POGLUT1: variants seen among roughly 807,000 people sequenced by gnomAD.
POGLUT1 encodes protein O-glucosyltransferase 1, also known as 9630046K23Rik.
POGLUT1 carries 32 observed loss-of-function variants against 61.3 expected under a neutral mutation model. The observed-to-expected ratio is 0.52, with a 90% confidence interval of 0.39 to 0.70. The LOEUF (loss-of-function observed/expected upper bound fraction) is 0.70, where lower values mean the gene tolerates loss of function less well. POGLUT1 is among the 30% of genes least tolerant of loss of function. POGLUT1 has a pLI of 0.00. For synonymous variants in POGLUT1, 158 were observed against 158.2 expected, an observed-to-expected ratio of 1.00 and a Z score of 0.01; for missense variants, 411 against 469.8, an observed-to-expected ratio of 0.87 and a Z score of 1.16.
chr3:119,473,730 G>A (rs1221871381), intron 3 of POGLUT1, among the ~76,000 whole-genome samples: 1 of 149,278 alleles, frequency 6.7e-6, no homozygotes, highest in Non-Finnish European at 1.5e-5. Context: ...GTGTGATCTC[G>A]GCTCACTGCA....
At position 119,492,849 on chromosome 3, in the gene POGLUT1, T is replaced by A. The variant is rs2081767614; in HGVS notation, c.*411T>A. On this transcript the variant is annotated 3_prime_UTR_variant, in exon 11 of 11. Coordinates refer to ENST00000295588, the MANE Select transcript of POGLUT1 (RefSeq NM_152305.3). ...CGTCATTTGGAAGTAGTACAACTCA[T>A]TGCTGGAATTGTGAAATTATTCAAG... 6.5e-6 allele frequency: 1 copy of A among 153,142 alleles called. No individual in the cohort carries two copies. Among genetic ancestry groups the A allele is most frequent in the Non-Finnish European group, 1.5e-5 (1 of 68,394 alleles). The allele number at this position is 153,142 out of a possible 1,614,324, so 9.5% of individuals were successfully genotyped here.
intron 3 of POGLUT1, among the ~76,000 whole-genome samples, chr3:119,473,840 T>C (rs1017514374): frequency 6.6e-6 from 1 of 152,046 alleles, no homozygotes; most frequent in Non-Finnish European, 1.5e-5. Flanking sequence ...TTTGTGTTTT[T>C]AGTAGAGACG....
chr3:119,490,926 T>C (rs2081736785), intron 9 of POGLUT1, among the ~76,000 whole-genome samples: 2 of 152,172 alleles, frequency 1.3e-5, no homozygotes, highest in Non-Finnish European at 2.9e-5. Flanking sequence ...AAAAGCGCTT[T>C]AATACTGGTT....
chr3:119,493,990 G>A lies in POGLUT1; in HGVS notation c.*1552G>A, dbSNP rs1191156310. On this transcript the variant is annotated 3_prime_UTR_variant, in exon 11 of 11. Coordinates refer to ENST00000295588, the MANE Select transcript of POGLUT1 (RefSeq NM_152305.3). Reference sequence around the variant, plus strand: ...TTTTAATTTCCTCTCATTAAAATAGGAACAAAATTTGCTATCCTTTAGATT... The same window carrying A: ...TTTTAATTTCCTCTCATTAAAATAGAAACAAAATTTGCTATCCTTTAGATT... 1.3e-5 allele frequency: 2 copies of A among 152,054 alleles called. No individual in the cohort carries two copies. The highest frequency in any genetic ancestry group is 1.3e-4 in the Admixed American group (2 of 15,292). 9.4% of individuals were successfully genotyped at this position (152,054 alleles called of 1,614,324 possible). A position where few individuals can be genotyped will look rare whatever the true frequency, so the allele number is the denominator to read the frequency against.
chr3:119,479,824 A>T, intron 4 of POGLUT1: 8 of 1,033,902 alleles, frequency 7.7e-6, no homozygotes, highest in Non-Finnish European at 9.5e-6. Flanking sequence ...GAAAAAGCTG[A>T]CCTTTAATGT....
rs556676284 is a variant in POGLUT1, at chr3:119,492,616, A to G, written c.*178A>G. 91 of 378,768 alleles carry G rather than the reference A, an allele frequency of 2.4e-4. No homozygotes were observed. The highest frequency in any genetic ancestry group is 2.3e-3 in the South Asian group (34 of 14,646). 23.5% of individuals were successfully genotyped at this position (378,768 alleles called of 1,614,324 possible). A position where few individuals can be genotyped will look rare whatever the true frequency, so the allele number is the denominator to read the frequency against. ...TTGAGAAAGATTTAAAATGTGTCTA[A>G]TACACTGATATGAAGCAGTTCAACT... On this transcript the variant is annotated 3_prime_UTR_variant, in exon 11 of 11. Coordinates refer to ENST00000295588, the MANE Select transcript of POGLUT1 (RefSeq NM_152305.3).
intron 2 of POGLUT1, among the ~76,000 whole-genome samples, chr3:119,470,917 G>A (rs1208534129): frequency 6.6e-6 from 1 of 152,224 alleles, no homozygotes; most frequent in Non-Finnish European, 1.5e-5. Context: ...GGACCAGACA[G>A]ACCAGAACAA....
At chr3:119,487,626 A>C (rs1456610679) in intron 7 of POGLUT1, among the ~76,000 whole-genome samples, 2 of 152,048 alleles carry the variant, frequency 1.3e-5, no homozygotes, top group Admixed American at 6.6e-5. Flanking sequence ...AAAAATAAAA[A>C]CTTTATGGGC....
rs760265593 is a variant in POGLUT1 at position 119,468,994 on chromosome 3, C to T, written c.-28C>T. Reference sequence around the variant, plus strand: ...GGCCGCGCTTCCGCCAGCGCCGCAGCGGGGAATCTGCAGTAGGTCTGCCGG... The same window carrying T: ...GGCCGCGCTTCCGCCAGCGCCGCAGTGGGGAATCTGCAGTAGGTCTGCCGG... On this transcript the variant is annotated 5_prime_UTR_variant, in exon 1 of 11. Coordinates refer to ENST00000295588, the MANE Select transcript of POGLUT1 (RefSeq NM_152305.3). 8.8e-6 allele frequency: 14 copies of T among 1,588,136 alleles called. No individual in the cohort carries two copies. In the Admixed American group the frequency reaches 1.2e-4, roughly 13 times the overall value.
At chr3:119,482,344 A>G (rs1223053614) in intron 5 of POGLUT1, among the ~76,000 whole-genome samples, 2 of 152,102 alleles carry the variant, frequency 1.3e-5, no homozygotes, top group South Asian at 2.1e-4. Context: ...TAATCTTTCC[A>G]TGTCTTTGTT....
At chr3:119,492,088 A>AAAAG (rs1324126738) in intron 10 of POGLUT1, among the ~76,000 whole-genome samples, 194 bp from the exon 11 acceptor site, 3 of 152,176 alleles carry the variant, frequency 2.0e-5, no homozygotes, top group Admixed American at 6.5e-5. Context: ...AAATAAAGGA[A>AAAAG]AAAGATTGTT....
chr3:119,477,536 G>A, intron 4 of POGLUT1, 88 bp downstream of exon 4: 1 of 1,290,746 alleles, frequency 7.7e-7, no homozygotes, highest in Non-Finnish European at 1.1e-6. Context: ...ATAGTCTGAT[G>A]GATAATGGTA....
At chr3:119,476,492 T>A (rs186662758) in intron 3 of POGLUT1, among the ~76,000 whole-genome samples, 1 of 152,144 alleles carries the variant, frequency 6.6e-6, no homozygotes, top group East Asian at 1.9e-4. Flanking sequence ...ACTGTGTCAC[T>A]ATGTTGCTGG....
At chr3:119,470,374 G>A (rs535096393) in intron 2 of POGLUT1, among the ~76,000 whole-genome samples, 1 of 152,204 alleles carries the variant, frequency 6.6e-6, no homozygotes, top group Admixed American at 6.5e-5. Context: ...TCAGAATTTC[G>A]AGACCAGCCT....
At chr3:119,490,877 A>G (rs2081736120) in intron 9 of POGLUT1, among the ~76,000 whole-genome samples, 159 bp downstream of exon 9, 1 of 152,164 alleles carries the variant, frequency 6.6e-6, no homozygotes, top group South Asian at 2.1e-4. Flanking sequence ...ATAGTATTGC[A>G]TTATTATCCA....
chr3:119,479,828 T>G (rs2081585147), intron 4 of POGLUT1: 2 of 1,115,790 alleles, frequency 1.8e-6, no homozygotes, highest in Admixed American at 4.5e-5. Context: ...AAGCTGACCT[T>G]TAATGTGATT....
chr3:119,470,911 C>T (rs1451347360), intron 2 of POGLUT1, among the ~76,000 whole-genome samples: 1 of 152,088 alleles, frequency 6.6e-6, no homozygotes, highest in Non-Finnish European at 1.5e-5. Context: ...GAGTGTGGAC[C>T]AGACAGACCA....
Position 119,478,904 on chromosome 3 carries a change from A to G in POGLUT1, c.457-1147A>G, listed in dbSNP as rs76384060. Among the ~76,000 whole-genome samples the G allele has an allele frequency of 9.8e-3, 1,399 of 142,592 alleles. 14 individuals are homozygous for G. Among genetic ancestry groups the G allele is most frequent in the African/African-American group, 0.031 (1,187 of 37,842 alleles). The allele number at this position is 142,592 out of a possible 152,430, so 93.5% of individuals were successfully genotyped here. Reference sequence around the variant, plus strand: ...CAGGTGGATCAAAAAAAAAAAAAAAAGGGGGGAACATATGGCTTTAAACTT... The same window carrying G: ...CAGGTGGATCAAAAAAAAAAAAAAAGGGGGGGAACATATGGCTTTAAACTT... On this transcript the variant is annotated intron_variant, in intron 4 of 10. Transcript: ENST00000295588.
intron 3 of POGLUT1, 199 bp downstream of exon 3, chr3:119,471,651 G>A (rs771842363): frequency 1.3e-5 from 7 of 550,126 alleles, no homozygotes; most frequent in Non-Finnish European, 2.3e-5. Context: ...TCCTCTGTGA[G>A]GCTTGGTTCA....
Sources: allele counts gnomAD v4.1 joint callset (sites outside exome capture counted in the v4.1 genomes callset), GRCh38; gene constraint gnomAD v4.1.1; transcripts MANE v1.5; gene names NCBI Gene and HGNC (gene_info 2026-07-23, HGNC 2026-07-21).